Variants in KDM4C observed in about 807,000 individuals in gnomAD.
KDM4C encodes the protein lysine-specific demethylase 4C.
KDM4C carries 81 observed loss-of-function variants against 129.3 expected under a neutral mutation model. The ratio of observed to expected loss-of-function variants is 0.63; its 90% CI spans 0.52 to 0.75. The LOEUF (loss-of-function observed/expected upper bound fraction) is 0.75. KDM4C is among the 30% of genes least tolerant of loss of function. KDM4C has a pLI of 0.00. For missense variants in KDM4C, 1,457 were observed against 1,304.0 expected (o/e 1.12, Z -1.81); for synonymous variants, 573 against 456.1 (o/e 1.26, Z -3.26).
chr9:6,774,361 G>A (rs907870484), intron 1 of KDM4C, among the ~76,000 whole-genome samples: 5 of 151,576 alleles, frequency 3.3e-5, no homozygotes, highest in Admixed American at 2.6e-4. Flanking sequence ...CATACAGAGG[G>A]ATTTCTTAAA....
chr9:6,743,174 C>G (rs1466349699), intron 1 of KDM4C, among the ~76,000 whole-genome samples: 2 of 152,204 alleles, frequency 1.3e-5, no homozygotes, highest in Admixed American at 6.5e-5. Context: ...AATACAGCTG[C>G]TAGGTAATCA....
intron 1 of KDM4C, among the ~76,000 whole-genome samples, chr9:6,740,558 G>A (rs968439315): frequency 3.3e-5 from 5 of 151,584 alleles, no homozygotes; most frequent in Admixed American, 6.6e-5. Context: ...TTGCTCTGTT[G>A]CCCAGGATCT....
intron 8 of KDM4C, among the ~76,000 whole-genome samples, chr9:6,958,936 C>T (rs1829572805): frequency 1.3e-5 from 2 of 152,122 alleles, no homozygotes; most frequent in African/African-American, 2.4e-5. Context: ...GCGTGAGCCA[C>T]CATGCCCAGC....
chr9:7,134,675 A>T (rs143128152), intron 19 of KDM4C, among the ~76,000 whole-genome samples: 16 of 152,346 alleles, frequency 1.1e-4, no homozygotes, highest in Admixed American at 5.9e-4. Context: ...CACAATTTAC[A>T]TAAGATCGAT....
rs763239241 is a variant in KDM4C at position 7,011,795 on chromosome 9, C to G, written c.1884C>G (p.Phe628Leu). Residue 628 changes from phenylalanine to leucine, a missense_variant, in exon 13 of 22, where the codon TTC (phenylalanine) becomes TTG (leucine). Transcript: ENST00000381309. Reference protein sequence around the residue: ...IHLWQTKSPNFAAEQEYNATV... With the variant: ...IHLWQTKSPNLAAEQEYNATV... ...TTTGGCAGACGAAGTCCCCTAACTT[C>G]GCAGCTGAGCAAGAGTATAATGCAA... 1 of 1,614,096 alleles carries G rather than the reference C, an allele frequency of 6.2e-7. No individual in the cohort carries two copies. Among genetic ancestry groups the G allele is most frequent in the Non-Finnish European group, 8.5e-7 (1 of 1,179,968 alleles).
intron 8 of KDM4C, among the ~76,000 whole-genome samples, chr9:6,960,282 ATTTTTT>A (rs34061929): frequency 1.4e-5 from 2 of 143,262 alleles, no homozygotes; most frequent in East Asian, 4.0e-4. Flanking sequence ...AATGTTTTTA[ATTTTTT>A]TTTTTTTTTT....
intron 19 of KDM4C, among the ~76,000 whole-genome samples, chr9:7,132,871 A>T (rs1840796107): frequency 6.6e-6 from 1 of 152,196 alleles, no homozygotes; most frequent in African/African-American, 2.4e-5. Flanking sequence ...TGGGCATGAG[A>T]AGAGAAACAG....
intron 8 of KDM4C, among the ~76,000 whole-genome samples, chr9:6,899,079 A>G (rs866810442): frequency 1.3e-5 from 2 of 148,812 alleles, no homozygotes; most frequent in Middle Eastern, 3.6e-3. Context: ...TTTTACCTCT[A>G]CTTTTTGCTG....
rs778989575 is a variant in KDM4C, at chr9:6,986,530, G to A, written c.1541G>A (p.Cys514Tyr). 1.9e-6 allele frequency: 3 copies of A among 1,614,152 alleles called. No individual in the cohort carries two copies. The East Asian group carries it at 6.7e-5, about 36-fold the overall frequency. The change falls in exon 11 of 22, where the codon TGC becomes TAC. Residue 514 changes from cysteine (C) to tyrosine (Y), a missense_variant. Physicochemically the swap from Cys to Tyr is radical, Grantham distance 194. Coordinates refer to ENST00000381309, the MANE Select transcript of KDM4C (RefSeq NM_015061.6). ...ELSWPKSPES[C>Y]SSVAESNGVL... The stretch of plus-strand genomic sequence containing the variant: ...TCATGGCCAAAGTCACCTGAGTCAT[G>A]CTCATCAGTGGCAGAGAGTAATGGT...
chr9:7,074,652 A>G (rs1833672137), intron 17 of KDM4C, among the ~76,000 whole-genome samples: 1 of 152,176 alleles, frequency 6.6e-6, no homozygotes, highest in Non-Finnish European at 1.5e-5. Flanking sequence ...TATTCCAGGC[A>G]TCTTATTAAA....
chr9:6,815,921 T>A (rs1832005924), intron 4 of KDM4C, among the ~76,000 whole-genome samples: 1 of 152,244 alleles, frequency 6.6e-6, no homozygotes, highest in South Asian at 2.1e-4. Context: ...GTCTTTGATG[T>A]ATGATGCAGG....
chr9:6,984,341 G>A lies in KDM4C; in HGVS notation c.1291G>A (p.Glu431Lys). ...KLRNTEASSE[E>K]ESSASRMQVE... ...GAGGAACACAGAAGCATCTTCAGAA[G>A]AAGAGTCATCTGCTAGCAGGATGCA... Residue 431 changes from glutamate (E) to lysine (K), a missense_variant, in exon 10 of 22, where the codon GAA (glutamate) becomes AAA (lysine). Coordinates refer to ENST00000381309, the MANE Select transcript of KDM4C (RefSeq NM_015061.6). 6.2e-7 allele frequency: 1 copy of A among 1,614,064 alleles called. No individual in the cohort carries two copies. The highest frequency in any genetic ancestry group is 2.2e-5 in the East Asian group (1 of 44,882).
At chr9:6,932,536 C>T (rs1413958833) in intron 8 of KDM4C, among the ~76,000 whole-genome samples, 1 of 152,136 alleles carries the variant, frequency 6.6e-6, no homozygotes, top group African/African-American at 2.4e-5. Flanking sequence ...ATAGCAGTAG[C>T]AGTAGCAGCA....
intron 17 of KDM4C, among the ~76,000 whole-genome samples, chr9:7,072,971 G>A (rs2132838593): frequency 6.6e-6 from 1 of 152,226 alleles, no homozygotes; most frequent in Middle Eastern, 3.4e-3. Context: ...AGTGATGTAG[G>A]GAGAAGGACA....
At chr9:7,108,946 T>A (rs1838011003) in intron 18 of KDM4C, among the ~76,000 whole-genome samples, 1 of 152,200 alleles carries the variant, frequency 6.6e-6, no homozygotes, top group East Asian at 1.9e-4. Context: ...ATTTATTAAT[T>A]GTAAAAGGGC....
intron 17 of KDM4C, among the ~76,000 whole-genome samples, chr9:7,050,442 C>CAAAAAAAAAAAAAAAAAAA (rs71500910): frequency 1.0e-4 from 8 of 78,226 alleles, no homozygotes; most frequent in Admixed American, 1.5e-4. Context: ...CCCAGATTAC[C>CAAAAAAAAAAAAAAAAAAA]AAAAAAAAAA....
chr9:6,901,213 T>C (rs566234186), intron 8 of KDM4C, among the ~76,000 whole-genome samples: 1 of 152,098 alleles, frequency 6.6e-6, no homozygotes, highest in Admixed American at 6.5e-5. Flanking sequence ...GAGGGACTGG[T>C]GGGAGAGTCA....
intron 8 of KDM4C, among the ~76,000 whole-genome samples, chr9:6,967,355 C>T (rs1032275029): frequency 2.7e-5 from 4 of 147,340 alleles, no homozygotes; most frequent in Non-Finnish European, 4.5e-5. Context: ...GCCCAGGAGG[C>T]GGAGGTTGCA....
At chr9:6,937,747 T>C (rs902125609) in intron 8 of KDM4C, among the ~76,000 whole-genome samples, 1 of 152,206 alleles carries the variant, frequency 6.6e-6, no homozygotes, top group Non-Finnish European at 1.5e-5. Context: ...AGTCTTGCTC[T>C]GTCGCCGAGG....
Sources: gnomAD v4.1 joint callset for allele counts (sites outside exome capture counted in the v4.1 genomes callset) on GRCh38, gnomAD v4.1.1 for gene constraint, MANE v1.5 for transcripts, NCBI Gene and HGNC (gene_info 2026-07-23, HGNC 2026-07-21) for gene names.